The following OPLAH variants were observed in gnomAD, a reference collection of about 807,000 sequenced individuals.
OPLAH encodes 5-oxoprolinase, ATP-hydrolysing.
In OPLAH, 103 loss-of-function variants were observed where a neutral mutation model predicts 122.8. The observed-to-expected ratio is 0.84, with a 90% CI of 0.71 to 0.99. OPLAH has a LOEUF of 0.99. OPLAH is among the 50% of genes least tolerant of loss of function. The pLI is 0.00. For missense variants in OPLAH, 1,902 were observed against 1,836.5 expected (o/e 1.04, Z -0.65); for synonymous variants, 875 against 796.0 (o/e 1.10, Z -1.67).
rs1554759807 is a variant in OPLAH, at chr8:144,058,054, G to T, written c.1044C>A (p.Asp348Glu). The T allele has an allele frequency of 6.2e-7, 1 of 1,612,512 alleles. No individual in the cohort carries two copies. Among genetic ancestry groups the T allele is most frequent in the South Asian group, 1.1e-5 (1 of 91,078 alleles). The change falls in exon 8 of 27, where the codon GAC becomes GAA. Residue 348 changes from aspartate (D) to glutamate (E), a missense_variant. Coordinates refer to ENST00000618853, the MANE Select transcript of OPLAH (RefSeq NM_017570.5). The part of the protein sequence containing the change: ...AGVTLQAPQL[D>E]INTVAAGGGS... ...CCCCTCCCGCTGCCACGGTGTTGATGTCCAGCTGCGGGGCCTGGAGGGTGA... is the reference window on the plus strand; with the variant it reads ...CCCCTCCCGCTGCCACGGTGTTGATTTCCAGCTGCGGGGCCTGGAGGGTGA...
At chr8:144,052,690 C>A in intron 22 of OPLAH, 76 bp downstream of exon 22, 1 of 1,538,906 alleles carries the variant, frequency 6.5e-7, no homozygotes, top group Non-Finnish European at 8.8e-7. Context: ...TGGGGTCAGA[C>A]CGTGGCTGGG....
chr8:144,051,993 C>T lies in OPLAH; in HGVS notation c.3545G>A (p.Arg1182His). The T allele has an allele frequency of 6.3e-7, 1 of 1,584,238 alleles. No individual in the cohort carries two copies. Among genetic ancestry groups the T allele is most frequent in the Non-Finnish European group, 8.5e-7 (1 of 1,173,768 alleles). The change falls in exon 25 of 27, where the codon CGC becomes CAC. Residue 1182 changes from arginine to histidine, a missense_variant. Arg to His is a conservative substitution (Grantham distance 29, BLOSUM62 0). Around this residue, in one of 3 missense-constraint regions of OPLAH, gnomAD observed 1,726 missense variants for 1,642.1 expected, o/e 1.05. Transcript: ENST00000618853. The part of the protein sequence containing the change: ...GRFRGGDGVT[R>H]ELLFREEALL... ...CGCCTCCTCACGAAAGAGCAGCTCG[C>T]GGGTGACGCCGTCGCCGCCTCGGAA...
At position 144,051,354 on chromosome 8, in the gene OPLAH, T is replaced by C. The variant is rs1835368886; in HGVS notation, c.3839A>G (p.Glu1280Gly). The C allele has an allele frequency of 6.2e-7, 1 of 1,610,938 alleles. No homozygotes were observed. Among genetic ancestry groups the C allele is most frequent in the Non-Finnish European group, 8.5e-7 (1 of 1,179,120 alleles). Residue 1280 changes from glutamate to glycine, a missense_variant, in exon 27 of 27, where the codon GAG (glutamate) becomes GGG (glycine). This residue lies in a region of OPLAH where 1,726 missense variants were observed against 1,642.1 expected (regional missense o/e 1.05). Transcript: ENST00000618853. ...CACGGCCTCCTGGGCCCGGCGATAC[T>C]CATAGACGCTGCCGTGCTCGGGAAA... is the stretch of plus-strand genomic sequence containing the variant. ...LAFPEHGSVY[E>G]YRRAQEAV
Position 144,056,691 on chromosome 8 carries a change from C to A in OPLAH, c.1771G>T (p.Val591Leu), listed in dbSNP as rs888660804. ...RYQGTDCALM[V>L]SAHQHPATAR... Reference sequence around the variant, plus strand: ...GTGGCTGGGTGCTGGTGGGCAGACACCATCAGAGCACAGTCCGTGCCCTGG... The same window carrying A: ...GTGGCTGGGTGCTGGTGGGCAGACAACATCAGAGCACAGTCCGTGCCCTGG... Residue 591 changes from valine to leucine, a missense_variant, in exon 13 of 27, where the codon GTG (valine) becomes TTG (leucine). Val to Leu is a conservative substitution (Grantham distance 32). This residue lies in a region of OPLAH where 1,726 missense variants were observed against 1,642.1 expected (regional missense o/e 1.05). Transcript: ENST00000618853. The A allele has an allele frequency of 3.7e-6, 6 of 1,611,724 alleles. No individual in the cohort carries two copies. The highest frequency in any genetic ancestry group is 1.1e-5 in the South Asian group (1 of 90,956).
chr8:144,057,476 A>G lies in OPLAH; in HGVS notation c.1394T>C (p.Met465Thr). 1 of 1,592,920 alleles carries G rather than the reference A, an allele frequency of 6.3e-7. No individual in the cohort carries two copies. Among genetic ancestry groups the G allele is most frequent in the Non-Finnish European group, 8.5e-7 (1 of 1,170,212 alleles). ...CGTGAGTGCACGGATGGGCCGGCACATGGCCTCGTTGGCCACGCGCACGAA... is the reference window on the plus strand; with the variant it reads ...CGTGAGTGCACGGATGGGCCGGCACGTGGCCTCGTTGGCCACGCGCACGAA... ...MGFVRVANEA[M>T]CRPIRALTQA... Residue 465 changes from methionine (M) to threonine (T), a missense_variant, in exon 10 of 27, where the codon ATG becomes ACG. Physicochemically the swap from Met to Thr is moderately conservative, Grantham distance 81 (BLOSUM62 -1). Coordinates refer to ENST00000618853, the MANE Select transcript of OPLAH (RefSeq NM_017570.5).
At chr8:144,053,692 C>T (rs972236209) in intron 19 of OPLAH, among the ~76,000 whole-genome samples, 4 of 152,020 alleles carry the variant, frequency 2.6e-5, no homozygotes, top group Admixed American at 6.6e-5. Context: ...GTCCTCAACA[C>T]CCAGAACAGC....
chr8:144,057,398 A>G (rs1554759549), intron 10 of OPLAH, 50 bp downstream of exon 10: 2 of 1,585,406 alleles, frequency 1.3e-6, no homozygotes, highest in East Asian at 2.3e-5. Flanking sequence ...GGCCTGGGGC[A>G]GGGAGCAGGG....
chr8:144,057,144 G>A, intron 11 of OPLAH, 26 bp from the exon 12 acceptor site: 4 of 1,594,536 alleles, frequency 2.5e-6, no homozygotes, highest in Non-Finnish European at 3.4e-6. Context: ...GCATGGCAAT[G>A]GGAGGTCACC....
rs782702109 is a variant in OPLAH, at chr8:144,056,396, G to C, written c.1972C>G (p.Arg658Gly). Residue 658 changes from arginine (R) to glycine (G), a missense_variant, in exon 14 of 27, where the codon CGG becomes GGG. Transcript: ENST00000618853. ...DAPKAQTGPPRVDKMTQCYFE... is the reference protein window; with the variant it reads ...DAPKAQTGPPGVDKMTQCYFE... ...GCAGGACCACCAACCTTGTCCACCC[G>C]GGGAGGCCCGGTCTGGGCTTTGGGG... The C allele has an allele frequency of 2.5e-6, 4 of 1,604,850 alleles. No homozygotes were observed. Among genetic ancestry groups the C allele is most frequent in the South Asian group, 2.2e-5 (2 of 90,314 alleles).
chr8:144,059,755 C>T lies in OPLAH; in HGVS notation c.207G>A (p.Leu69=). The part of the protein sequence containing the change: ...AGMLLPRDQP[L]DSSHIASIRM... ...GGATGCTGGCGATATGACTGGAGTC[C>T]AGCGGCTGGTCCCGGGGCAGGAGCA... is the stretch of plus-strand genomic sequence containing the variant. The change falls in exon 3 of 27, where the codon CTG becomes CTA. Residue 69 remains leucine (L), a synonymous_variant. Coordinates refer to ENST00000618853, the MANE Select transcript of OPLAH (RefSeq NM_017570.5). 1.2e-6 allele frequency: 2 copies of T among 1,609,704 alleles called. No individual in the cohort carries two copies. Among genetic ancestry groups the T allele is most frequent in the Non-Finnish European group, 8.5e-7 (1 of 1,179,374 alleles).
intron 12 of OPLAH, 73 bp from the exon 13 acceptor site, chr8:144,056,828 G>C: frequency 6.5e-7 from 1 of 1,531,952 alleles, no homozygotes; most frequent in Non-Finnish European, 8.8e-7. Context: ...GCCCGGCAAG[G>C]ACACCTGTTC....
chr8:144,058,819 A>G lies in OPLAH; in HGVS notation c.541T>C (p.Ser181Pro), dbSNP rs782567346. ...ALRGKLEGLLSRGIRSLAVVL... is the reference protein window; with the variant it reads ...ALRGKLEGLLPRGIRSLAVVL... ...ACAGCCAGGCTGCGGATGCCTCGAG[A>G]TAGCAGCCCCTCCAGCTTCCCACGC... Residue 181 changes from serine (S) to proline (P), a missense_variant, in exon 5 of 27, where the codon TCT becomes CCT. Around this residue, in one of 3 missense-constraint regions of OPLAH, gnomAD observed 1,726 missense variants for 1,642.1 expected, o/e 1.05. Transcript: ENST00000618853. 4 of 1,598,260 alleles carry G rather than the reference A, an allele frequency of 2.5e-6. No homozygotes were observed. The South Asian group carries it at 3.4e-5, about 13-fold the overall frequency.
In OPLAH at chr8:144,054,715, C is replaced by A. The variant is rs782111861; in HGVS notation, c.2532G>T (p.Thr844=). 1 of 1,612,348 alleles carries A rather than the reference C, an allele frequency of 6.2e-7. No individual in the cohort carries two copies. The highest frequency in any genetic ancestry group is 1.7e-5 in the Admixed American group (1 of 60,004). Residue 844 remains threonine, a synonymous_variant, in exon 19 of 27, where the codon ACG becomes ACT. Transcript: ENST00000618853. ...VITPVFWPGQ[T]RPVFYVASRG... ...GGCTGGCCACATAGAACACAGGCCG[C>A]GTCTGACCCGGCCAAAACACCTAGC...
chr8:144,055,305 G>C lies in OPLAH; in HGVS notation c.2249-116C>G, dbSNP rs1835485667. 8.7e-7 allele frequency: 1 copy of C among 1,143,636 alleles called. No homozygotes were observed. The highest frequency in any genetic ancestry group is 3.5e-5 in the Admixed American group (1 of 28,738). The allele number at this position is 1,143,636 out of a possible 1,614,324, so 70.8% of individuals were successfully genotyped here. A position where few individuals can be genotyped will look rare whatever the true frequency, so the allele number is the denominator to read the frequency against. On this transcript the variant is annotated intron_variant, in intron 16 of 26. Coordinates refer to ENST00000618853, the MANE Select transcript of OPLAH (RefSeq NM_017570.5). The surrounding 1 kb of genome is among the most constrained non-coding windows in gnomAD (Gnocchi z 6.5). ...CCCAGGACCCAGGAAAAACCCAGCA[G>C]CTTTTTCCTGGGGAAGACCAAGTTG...
intron 1 of OPLAH, 124 bp from the exon 2 acceptor site, chr8:144,060,209 C>T (rs1159599141): frequency 2.8e-6 from 2 of 724,528 alleles, no homozygotes; most frequent in Non-Finnish European, 2.2e-6. Flanking sequence ...GAGCCAGAGC[C>T]GCAGGCCCAG....
At chr8:144,050,399 G>C (rs1835345938), downstream of OPLAH, 1 of 985,458 alleles carries the variant, frequency 1.0e-6, no homozygotes. Flanking sequence ...GAACAAAGTG[G>C]AGAGGTCGTG....
rs1554758219 is a variant in OPLAH, at chr8:144,053,341, G to T, written c.2739C>A (p.Thr913=). 1 of 1,612,732 alleles carries T rather than the reference G, an allele frequency of 6.2e-7. No homozygotes were observed. The highest frequency in any genetic ancestry group is 1.3e-5 in the African/African-American group (1 of 74,904). The change falls in exon 20 of 27, where the codon ACC becomes ACA. Residue 913 remains threonine, a synonymous_variant. Coordinates refer to ENST00000618853, the MANE Select transcript of OPLAH (RefSeq NM_017570.5). The part of the protein sequence containing the change: ...APGKVPNCSG[T]RNLHDNLSDL... ...CCGACAGGTTGTCGTGCAGGTTTCT[G>T]GTTCCGCTGCAGTTGGGGACCTTGC...
At chr8:144,062,424 A>G (rs1835678405), upstream of OPLAH, among the ~76,000 whole-genome samples, 1 of 152,020 alleles carries the variant, frequency 6.6e-6, no homozygotes, top group Non-Finnish European at 1.5e-5. Context: ...CCAGATGATC[A>G]TGCCACGCCC....
downstream of OPLAH, chr8:144,050,763 T>G (rs1436453789): frequency 1.2e-5 from 12 of 986,524 alleles, no homozygotes; most frequent in African/African-American, 2.1e-4. Context: ...GCTGAGGCTC[T>G]GGCTGATGCC....
Sources: gnomAD v4.1 joint callset for allele counts (sites outside exome capture counted in the v4.1 genomes callset) on GRCh38, gnomAD v4.1.1 for gene constraint, gnomAD v4.1.1 regional missense constraint, Gnocchi (gnomAD v3.1) non-coding constraint, MANE v1.5 for transcripts, NCBI Gene and HGNC (gene_info 2026-07-23, HGNC 2026-07-21) for gene names.